KLRG1: variants seen among roughly 807,000 people sequenced by gnomAD.
KLRG1 encodes killer cell lectin like receptor G1.
In KLRG1, 16 loss-of-function variants were observed where a neutral mutation model predicts 21.8. The ratio of observed to expected loss-of-function variants is 0.73; its 90% CI spans 0.50 to 1.11. KLRG1 has a LOEUF of 1.11. Among genes scored for constraint, KLRG1 ranks in the 50% most tolerant of loss-of-function variants. KLRG1 has a pLI of 0.00. For synonymous variants in KLRG1, 69 were observed against 75.9 expected (o/e 0.91, Z 0.47); for missense variants, 173 against 218.3 (o/e 0.79, Z 1.31).
chr12:9,210,425 G>A, the KLRG1 span, among the ~76,000 whole-genome samples: 5 of 152,060 alleles, frequency 3.3e-5, no homozygotes, highest in Admixed American at 6.6e-5. Flanking sequence ...GACTCTAGAC[G>A]CTGCAATTTT....
At chr12:9,126,916 C>G in the KLRG1 span, among the ~76,000 whole-genome samples, 6 of 152,148 alleles carry the variant, frequency 3.9e-5, no homozygotes, top group Non-Finnish European at 8.8e-5. Context: ...TAATTAATTA[C>G]AGAAAACATT....
chr12:9,169,885 A>C, the KLRG1 span: 133,569 of 218,384 alleles, frequency 0.61, 42,192 homozygotes, highest in East Asian at 0.83. Flanking sequence ...TATAGAAAGA[A>C]GACGTAACTT....
chr12:8,966,437 C>T (rs78583676), intron 1 of KLRG1, among the ~76,000 whole-genome samples: 55,149 of 151,228 alleles, frequency 0.36, 11,111 homozygotes, highest in Middle Eastern at 0.47. Context: ...ACAACCTACT[C>T]ATCTGACAAA....
chr12:9,085,492 A>G, the KLRG1 span, among the ~76,000 whole-genome samples: 1 of 152,100 alleles, frequency 6.6e-6, no homozygotes, highest in Non-Finnish European at 1.5e-5. Context: ...GCATAACAAA[A>G]CATAGCATAA....
the KLRG1 span, among the ~76,000 whole-genome samples, chr12:9,040,838 A>G: frequency 3.9e-5 from 6 of 152,374 alleles, no homozygotes; most frequent in East Asian, 1.2e-3. Context: ...ACTGCTTATT[A>G]AACGGTTCAT....
At chr12:8,994,575 A>G (rs1168798960) in intron 2 of KLRG1, among the ~76,000 whole-genome samples, 1 of 152,188 alleles carries the variant, frequency 6.6e-6, no homozygotes, top group African/African-American at 2.4e-5. Flanking sequence ...ATGGTGAGGG[A>G]CAGTTACATC....
chr12:9,113,462 C>G, the KLRG1 span: 2 of 1,613,944 alleles, frequency 1.2e-6, no homozygotes, highest in Middle Eastern at 1.6e-4. Context: ...CAGTCACTGT[C>G]TCATTCAGGT....
chr12:9,198,029 C>A, the KLRG1 span, among the ~76,000 whole-genome samples: 1 of 113,634 alleles, frequency 8.8e-6, no homozygotes, highest in South Asian at 2.8e-4. Context: ...ACAGTGCAGT[C>A]ATATATATAT....
chr12:9,002,049 T>C (rs1264254640), intron 3 of KLRG1, among the ~76,000 whole-genome samples: 9 of 152,174 alleles, frequency 5.9e-5, no homozygotes, highest in South Asian at 2.1e-4. Context: ...ATTGCTTAAA[T>C]CTTTTCATAT....
At chr12:9,069,049 CT>C in the KLRG1 span, 2 of 456,792 alleles carry the variant, frequency 4.4e-6, no homozygotes, top group Non-Finnish European at 7.7e-6. Context: ...ACGCATATAC[CT>C]CTGTCAATGC....
At chr12:9,139,625 T>C in the KLRG1 span, among the ~76,000 whole-genome samples, 8 of 152,224 alleles carry the variant, frequency 5.3e-5, no homozygotes, top group African/African-American at 9.6e-5. Context: ...TGGATGCATA[T>C]ATAATTGTAA....
chr12:9,054,620 T>C, the KLRG1 span, among the ~76,000 whole-genome samples: 1 of 152,126 alleles, frequency 6.6e-6, no homozygotes, highest in African/African-American at 2.4e-5. Flanking sequence ...AAATGGAGAG[T>C]AAATTACTGT....
chr12:9,102,496 G>C, the KLRG1 span, among the ~76,000 whole-genome samples: 11 of 152,096 alleles, frequency 7.2e-5, no homozygotes, highest in Non-Finnish European at 1.3e-4. Flanking sequence ...GATTACAGGC[G>C]TGAGCTACCG....
At chr12:8,995,323 G>GATTTGT in intron 3 of KLRG1, 35 bp downstream of exon 3, 2 of 1,572,848 alleles carry the variant, frequency 1.3e-6, no homozygotes, top group Non-Finnish European at 8.6e-7. Context: ...TAGGGTTTTT[G>GATTTGT]TTTTGTTTTT....
the KLRG1 span, among the ~76,000 whole-genome samples, chr12:9,158,752 C>CTTTTTTTTTTTTTT: frequency 2.5e-4 from 24 of 97,800 alleles, no homozygotes; most frequent in Non-Finnish European, 3.5e-4. Flanking sequence ...TTTTTCTTTT[C>CTTTTTTTTTTTTTT]TTTTCTTTTT....
At chr12:9,067,803 A>G in the KLRG1 span, 3 of 1,612,476 alleles carry the variant, frequency 1.9e-6, no homozygotes, top group Middle Eastern at 3.3e-4. Context: ...CCAGCAAAGC[A>G]CTTTTCAGCC....
At chr12:9,136,715 G>A in the KLRG1 span, among the ~76,000 whole-genome samples, 2 of 151,780 alleles carry the variant, frequency 1.3e-5, no homozygotes, top group Non-Finnish European at 2.9e-5. Context: ...TTGATAATAG[G>A]CATCCTGACA....
At chr12:9,037,697 T>C in the KLRG1 span, among the ~76,000 whole-genome samples, 1 of 152,216 alleles carries the variant, frequency 6.6e-6, no homozygotes, top group Admixed American at 6.5e-5. Flanking sequence ...AGGTGTACCA[T>C]TTTTAATGTT....
At chr12:9,066,462 G>C in the KLRG1 span, 1 of 152,406 alleles carries the variant, frequency 6.6e-6, no homozygotes, top group Admixed American at 6.5e-5. Flanking sequence ...CTGGGCAGCA[G>C]CTTGTGTGTG....
Sources: allele counts gnomAD v4.1 joint callset (sites outside exome capture counted in the v4.1 genomes callset), GRCh38; gene constraint gnomAD v4.1.1; transcripts MANE v1.5; gene names NCBI Gene and HGNC (gene_info 2026-07-23, HGNC 2026-07-21).